DLC1: variants seen among roughly 807,000 people sequenced by gnomAD.
DLC1 encodes the protein rho GTPase-activating protein 7.
Under a neutral mutation model 140.3 loss-of-function variants are expected in DLC1, and 54 were observed. The ratio of observed to expected loss-of-function variants is 0.38; its 90% CI spans 0.31 to 0.48. The LOEUF (loss-of-function observed/expected upper bound fraction) is 0.48. Ranked by LOEUF, DLC1 falls within the 20% of genes least tolerant of loss-of-function variation. The pLI, the probability that DLC1 is intolerant of heterozygous loss-of-function variation, is 0.96. For synonymous variants in DLC1, 986 were observed against 728.1 expected, an observed-to-expected ratio of 1.35 and a Z score of -5.70; for missense variants, 2,536 against 1,907.0, an observed-to-expected ratio of 1.33 and a Z score of -6.14.
intron 5 of DLC1, among the ~76,000 whole-genome samples, chr8:13,127,218 T>C (rs1821657114): frequency 6.6e-6 from 1 of 152,242 alleles, no homozygotes; most frequent in Middle Eastern, 3.2e-3. Context: ...CAGAAATTAA[T>C]CTAATGGTCA....
chr8:13,288,487 T>A (rs1037353712), intron 5 of DLC1, among the ~76,000 whole-genome samples: 3 of 152,268 alleles, frequency 2.0e-5, no homozygotes, highest in African/African-American at 7.2e-5. Flanking sequence ...CCCAGTCTTC[T>A]AATTTTGCCA....
At chr8:13,408,182 A>G (rs933991773) in intron 2 of DLC1, among the ~76,000 whole-genome samples, 1 of 152,210 alleles carries the variant, frequency 6.6e-6, no homozygotes, top group African/African-American at 2.4e-5. Context: ...TTTGCTAGAT[A>G]TATTCCGTTC....
chr8:13,192,249 C>T (rs762473251), intron 5 of DLC1, among the ~76,000 whole-genome samples: 1 of 150,806 alleles, frequency 6.6e-6, no homozygotes, highest in East Asian at 1.9e-4. Context: ...CTGTGCCCAG[C>T]CAGCCTGATT....
intron 4 of DLC1, among the ~76,000 whole-genome samples, chr8:13,318,917 C>G (rs1297518733): frequency 6.6e-6 from 1 of 152,172 alleles, no homozygotes; most frequent in East Asian, 1.9e-4. Flanking sequence ...TACACTTTCA[C>G]CAGACAGATT....
chr8:13,452,211 A>T (rs946004703), intron 2 of DLC1, among the ~76,000 whole-genome samples: 1 of 151,166 alleles, frequency 6.6e-6, no homozygotes. Flanking sequence ...ATAATTATAT[A>T]TATCTTTATG....
chr8:13,559,325 G>GT (rs1181443061), intron 1 of DLC1: 3 of 152,208 alleles, frequency 2.0e-5, no homozygotes, highest in Non-Finnish European at 4.4e-5. Context: ...GTTAAGCATG[G>GT]AAGGCTCTAA....
intron 1 of DLC1, among the ~76,000 whole-genome samples, chr8:13,563,498 G>A (rs1171163467): frequency 3.3e-5 from 5 of 152,130 alleles, no homozygotes; most frequent in Non-Finnish European, 5.9e-5. Flanking sequence ...GAAAGAATCA[G>A]CTCCTCACAG....
chr8:13,400,406 G>A (rs1283255823), intron 3 of DLC1, among the ~76,000 whole-genome samples: 1 of 152,126 alleles, frequency 6.6e-6, no homozygotes, highest in Non-Finnish European at 1.5e-5. Flanking sequence ...GATGTTCCCA[G>A]AAAGTCAGGT....
At chr8:13,254,999 T>C (rs958732115) in intron 5 of DLC1, among the ~76,000 whole-genome samples, 1 of 151,524 alleles carries the variant, frequency 6.6e-6, no homozygotes, top group Non-Finnish European at 1.5e-5. Flanking sequence ...TTTTTTGAGA[T>C]GGAGTCCCAC....
intron 5 of DLC1, among the ~76,000 whole-genome samples, chr8:13,252,745 G>GC (rs1451311770): frequency 6.6e-6 from 1 of 152,114 alleles, no homozygotes; most frequent in East Asian, 1.9e-4. Flanking sequence ...GGAAAAATGA[G>GC]CAAAAGATTT....
At chr8:13,187,680 C>T (rs1826463843) in intron 5 of DLC1, among the ~76,000 whole-genome samples, 2 of 152,158 alleles carry the variant, frequency 1.3e-5, no homozygotes, top group South Asian at 4.1e-4. Context: ...CTGGGGATAT[C>T]TGGACTCAGG....
chr8:13,240,820 A>T (rs141311828), intron 5 of DLC1, among the ~76,000 whole-genome samples: 1 of 152,212 alleles, frequency 6.6e-6, no homozygotes, highest in South Asian at 2.1e-4. Flanking sequence ...ATTTTCTTTA[A>T]TTAGAAATAT....
intron 2 of DLC1, among the ~76,000 whole-genome samples, chr8:13,455,875 C>T (rs1025032475): frequency 2.0e-5 from 3 of 152,004 alleles, no homozygotes; most frequent in African/African-American, 7.3e-5. Flanking sequence ...TAAGACCCTA[C>T]GTCTCAAAAA....
At chr8:13,191,973 G>C (rs1300402493) in intron 5 of DLC1, among the ~76,000 whole-genome samples, 1 of 144,918 alleles carries the variant, frequency 6.9e-6, no homozygotes, top group Non-Finnish European at 1.5e-5. Flanking sequence ...ATGGAGTCTT[G>C]CTCTGTTGCC....
At chr8:13,455,773 G>A (rs186405845) in intron 2 of DLC1, among the ~76,000 whole-genome samples, 2 of 152,276 alleles carry the variant, frequency 1.3e-5, no homozygotes, top group Admixed American at 6.5e-5. Context: ...CACTTTGAGA[G>A]GCCAAGGCTG....
chr8:13,120,590 A>C (rs1294644405), intron 5 of DLC1, among the ~76,000 whole-genome samples: 1 of 151,822 alleles, frequency 6.6e-6, no homozygotes, highest in Non-Finnish European at 1.5e-5. Context: ...TTTTTAAAAA[A>C]CATTCCCCAC....
At chr8:13,156,155 A>T (rs1824238427) in intron 5 of DLC1, among the ~76,000 whole-genome samples, 1 of 152,062 alleles carries the variant, frequency 6.6e-6, no homozygotes, top group South Asian at 2.1e-4. Flanking sequence ...ATAGATTATT[A>T]TTCTTTTCTT....
At chr8:13,096,673 T>C (rs1818521537) in intron 10 of DLC1, among the ~76,000 whole-genome samples, 2 of 152,078 alleles carry the variant, frequency 1.3e-5, no homozygotes, top group African/African-American at 4.8e-5. Context: ...AAGGCTCACA[T>C]AATAACAGCC....
At chr8:13,116,649 C>T (rs755675428) in intron 5 of DLC1, among the ~76,000 whole-genome samples, 6 of 152,118 alleles carry the variant, frequency 3.9e-5, no homozygotes, top group African/African-American at 1.4e-4. Flanking sequence ...TTATTTTTGT[C>T]TAGTAACTTT....
Sources: gnomAD v4.1 joint callset for allele counts (sites outside exome capture counted in the v4.1 genomes callset) on GRCh38, gnomAD v4.1.1 for gene constraint, MANE v1.5 for transcripts, NCBI Gene and HGNC (gene_info 2026-07-23, HGNC 2026-07-21) for gene names.